The following FLNB variants were observed in gnomAD, a reference collection of about 807,000 sequenced individuals.
FLNB encodes filamin B.
In FLNB, 111 loss-of-function variants were observed where a neutral mutation model predicts 250.6. The ratio of observed to expected loss-of-function variants is 0.44; its 90% CI spans 0.38 to 0.52. The LOEUF (loss-of-function observed/expected upper bound fraction) is 0.52, where lower values mean the gene tolerates loss of function less well. Among genes scored for constraint, FLNB ranks in the 20% least tolerant of loss-of-function variants. The pLI is 0.00. For missense variants in FLNB, 2,869 were observed against 3,447.8 expected (o/e 0.83, Z 4.20); for synonymous variants, 1,302 against 1,372.1 (o/e 0.95, Z 1.13).
At chr3:58,147,113 A>G in intron 34 of FLNB, 120 bp downstream of exon 34, 2 of 986,730 alleles carry the variant, frequency 2.0e-6, no homozygotes, top group Non-Finnish European at 3.1e-6. Flanking sequence ...GGTTTCACAG[A>G]GACTTGTTGA....
At chr3:58,017,564 T>G (rs2097107584) in intron 1 of FLNB, among the ~76,000 whole-genome samples, 1 of 152,118 alleles carries the variant, frequency 6.6e-6, no homozygotes, top group South Asian at 2.1e-4. Context: ...GTGTCAGGAT[T>G]TATTCTGTGG....
intron 1 of FLNB, among the ~76,000 whole-genome samples, chr3:58,034,165 G>A (rs957705709): frequency 6.6e-6 from 1 of 152,102 alleles, no homozygotes; most frequent in African/African-American, 2.4e-5. Context: ...CTGGCCGGGT[G>A]GTTTCTAAAT....
intron 32 of FLNB, among the ~76,000 whole-genome samples, chr3:58,145,480 G>A (rs916923951): frequency 6.6e-6 from 1 of 152,148 alleles, no homozygotes; most frequent in African/African-American, 2.4e-5. Flanking sequence ...CTTACATAGG[G>A]CTAGGAGTCG....
At position 58,054,351 on chromosome 3, in the gene FLNB, TGTA is replaced by T. The variant is rs1264087338; in HGVS notation, c.293-22694_293-22692del. Among the ~76,000 whole-genome samples, 4 of 152,182 alleles carry T rather than the reference TGTA, an allele frequency of 2.6e-5. No homozygotes were observed. The East Asian group carries it at 7.7e-4, about 29-fold the overall frequency. On this transcript the variant is annotated intron_variant, in intron 1 of 45. Transcript: ENST00000295956. The stretch of plus-strand genomic sequence containing the variant: ...GGCTTGTGGCTGATGCACTGGACAG[TGTA>T]CATATAAAACATTTCCATCGTTGCA...
rs769402488 is a variant in FLNB at position 58,126,711 on chromosome 3, G to A, written c.4171G>A (p.Ala1391Thr). The change falls in exon 24 of 46, where the codon GCA becomes ACA. Residue 1391 changes from alanine (A) to threonine (T), a missense_variant. Ala to Thr is a moderately conservative substitution (Grantham distance 58). This residue lies in a region of FLNB where 1,348 missense variants were observed against 1,466.7 expected (regional missense o/e 0.92). Transcript: ENST00000295956. ...GSCSAEYIPF[A>T]PGDYDVNITY... ...CTGCAGTGCTGAGTACATTCCTTTC[G>A]CACCGGGGGATTACGATGTTAATAT... The A allele has an allele frequency of 1.5e-5, 24 of 1,613,880 alleles. No homozygotes were observed. The highest frequency in any genetic ancestry group is 1.6e-4 in the Middle Eastern group (1 of 6,082).
chr3:58,153,111 G>A (rs1256307538), intron 38 of FLNB, among the ~76,000 whole-genome samples: 5 of 152,196 alleles, frequency 3.3e-5, no homozygotes, highest in Non-Finnish European at 4.4e-5. Flanking sequence ...CTGTGGAAAG[G>A]AGCCCGTCTG....
At chr3:58,146,417 A>T (rs151069454) in intron 33 of FLNB, among the ~76,000 whole-genome samples, 1 of 152,338 alleles carries the variant, frequency 6.6e-6, no homozygotes, top group East Asian at 1.9e-4. Flanking sequence ...CGTGGTATTC[A>T]TGGATAATCC....
intron 1 of FLNB, among the ~76,000 whole-genome samples, chr3:58,063,618 TA>T: frequency 6.6e-6 from 1 of 152,334 alleles, no homozygotes; most frequent in East Asian, 1.9e-4. Flanking sequence ...CCAGCGGTTA[TA>T]AATTATTTGG....
chr3:58,169,853 T>C lies in FLNB; in HGVS notation c.7621+60T>C. 7.1e-7 allele frequency: 1 copy of C among 1,417,766 alleles called. No homozygotes were observed. The highest frequency in any genetic ancestry group is 2.3e-5 in the East Asian group (1 of 43,108). 87.8% of individuals were successfully genotyped at this position (1,417,766 alleles called of 1,614,324 possible). A position where few individuals can be genotyped will look rare whatever the true frequency, so the allele number is the denominator to read the frequency against. On this transcript the variant is annotated intron_variant, in intron 45 of 45. Transcript: ENST00000295956. The surrounding 1 kb of genome is among the most constrained non-coding windows in gnomAD (Gnocchi z 4.8). Reference sequence around the variant, plus strand: ...GCAGGGGCAGGCTGGGCACCCTGGGTACACTGGCCTTCCCTGCTGAGGTCT... The same window carrying C: ...GCAGGGGCAGGCTGGGCACCCTGGGCACACTGGCCTTCCCTGCTGAGGTCT...
intron 25 of FLNB, chr3:58,132,461 G>C (rs1215818628): frequency 2.4e-6 from 1 of 424,132 alleles, no homozygotes; most frequent in Non-Finnish European, 4.4e-6. Context: ...CACATCCTAA[G>C]CGTGCCTAAC....
intron 25 of FLNB, chr3:58,132,094 C>G: frequency 1.1e-6 from 1 of 950,852 alleles, no homozygotes; most frequent in Non-Finnish European, 1.6e-6. Flanking sequence ...AAATTGCTTA[C>G]ACCTGCCTCA....
intron 1 of FLNB, among the ~76,000 whole-genome samples, chr3:58,010,143 T>C (rs1350568804): frequency 6.6e-6 from 1 of 151,322 alleles, no homozygotes; most frequent in African/African-American, 2.4e-5. Context: ...TGGGTGTGGG[T>C]TGGGGCAGAG....
At chr3:58,070,459 A>T (rs1288826367) in intron 1 of FLNB, among the ~76,000 whole-genome samples, 1 of 152,106 alleles carries the variant, frequency 6.6e-6, no homozygotes. Flanking sequence ...GGATTGTTCA[A>T]ACCGATGTAT....
chr3:58,152,612 T>C (rs2097346982), intron 38 of FLNB: 1 of 390,684 alleles, frequency 2.6e-6, no homozygotes, highest in Admixed American at 3.3e-5. Flanking sequence ...TTGTTGGGGG[T>C]AGGGTTTCAA....
chr3:58,008,423 G>A lies in FLNB; in HGVS notation c.-142G>A. ...GCGCGGCCAGGGGCGGGCGGCCGCA[G>A]AGCAGCACCGGCCGTGGCTCCGGTA... On this transcript the variant is annotated 5_prime_UTR_variant, in exon 1 of 46. Transcript: ENST00000295956. 9.8e-7 allele frequency: 1 copy of A among 1,019,942 alleles called. No homozygotes were observed. The highest frequency in any genetic ancestry group is 1.4e-6 in the Non-Finnish European group (1 of 691,340). The allele number at this position is 1,019,942 out of a possible 1,614,324, so 63.2% of individuals were successfully genotyped here.
At position 58,142,259 on chromosome 3, in the gene FLNB, C is replaced by T. The variant is rs907428433; in HGVS notation, c.5181+330C>T. ...GCCACTTGCACATTCAGTTTCTGTT[C>T]AGGGGGAAAGCCACCCACTGCTACT... is the stretch of plus-strand genomic sequence containing the variant. On this transcript the variant is annotated intron_variant, in intron 30 of 45. Transcript: ENST00000295956. The surrounding 1 kb of genome is among the most constrained non-coding windows in gnomAD (Gnocchi z 4.3). Among the ~76,000 whole-genome samples, 3 of 152,210 alleles carry T rather than the reference C, an allele frequency of 2.0e-5. No homozygotes were observed. The highest frequency in any genetic ancestry group is 2.9e-5 in the Non-Finnish European group (2 of 68,038).
At position 58,138,308 on chromosome 3, in the gene FLNB, A is replaced by G; in HGVS notation, c.4888A>G (p.Thr1630Ala). The change falls in exon 29 of 46, where the codon ACT (threonine) becomes GCT (alanine). Residue 1630 changes from threonine (T) to alanine (A), a missense_variant. Transcript: ENST00000295956. The part of the protein sequence containing the change: ...TGPGIASTVK[T>A]GEEVGFVVDA... The stretch of plus-strand genomic sequence containing the variant: ...TCCTGGAATCGCCTCCACTGTGAAA[A>G]CTGGCGAAGAAGTAGGCTTTGTGGT... 1.9e-6 allele frequency: 3 copies of G among 1,614,096 alleles called. No homozygotes were observed. Among genetic ancestry groups the G allele is most frequent in the Non-Finnish European group, 1.7e-6 (2 of 1,180,028 alleles).
rs2097342552 is a variant in FLNB, at chr3:58,150,189, C to T, written c.6329C>T (p.Thr2110Ile). 7 of 1,614,098 alleles carry T rather than the reference C, an allele frequency of 4.3e-6. No individual in the cohort carries two copies. Among genetic ancestry groups the T allele is most frequent in the Non-Finnish European group, 5.9e-6 (7 of 1,180,044 alleles). Residue 2110 changes from threonine (T) to isoleucine (I), a missense_variant, in exon 38 of 46, where the codon ACT becomes ATT. This residue lies in a region of FLNB where 1,084 missense variants were observed against 1,315.5 expected (regional missense o/e 0.82). Coordinates refer to ENST00000295956, the MANE Select transcript of FLNB (RefSeq NM_001457.4). ...TRTSRAPSVA[T>I]VGSICDLNLK... ...ACCAGTCGGGCCCCGTCCGTGGCCACTGTCGGGAGCATTTGTGACCTGAAC... is the reference window on the plus strand; with the variant it reads ...ACCAGTCGGGCCCCGTCCGTGGCCATTGTCGGGAGCATTTGTGACCTGAAC...
chr3:58,011,270 T>A lies in FLNB; in HGVS notation c.292+2414T>A, dbSNP rs151011756. 6.0e-4 allele frequency among the ~76,000 whole-genome samples: 92 copies of A among 152,328 alleles called. 1 individual carries two copies. The East Asian group carries it at 0.014, about 24-fold the overall frequency. On this transcript the variant is annotated intron_variant, in intron 1 of 45. Transcript: ENST00000295956. Reference sequence around the variant, plus strand: ...CCTAGCTACTCCCATTGTCCCGACGTTCCAGGGTTAGTTAGCTTCCCTTCC... The same window carrying A: ...CCTAGCTACTCCCATTGTCCCGACGATCCAGGGTTAGTTAGCTTCCCTTCC...
Sources: gnomAD v4.1 joint callset for allele counts (sites outside exome capture counted in the v4.1 genomes callset) on GRCh38, gnomAD v4.1.1 for gene constraint, gnomAD v4.1.1 regional missense constraint, Gnocchi (gnomAD v3.1) non-coding constraint, MANE v1.5 for transcripts, NCBI Gene and HGNC (gene_info 2026-07-23, HGNC 2026-07-21) for gene names.